Variants in RHOBTB3 observed in about 807,000 individuals in gnomAD.
The protein encoded by RHOBTB3 is Rho related BTB domain containing 3, also known as rho-related BTB domain-containing protein 3.
Under a neutral mutation model 67.2 loss-of-function variants are expected in RHOBTB3, and 47 were observed. The ratio of observed to expected loss-of-function variants is 0.70; its 90% CI spans 0.55 to 0.89. The LOEUF (loss-of-function observed/expected upper bound fraction) is 0.89. RHOBTB3 is among the 40% of genes least tolerant of loss of function. The pLI, the probability that RHOBTB3 is intolerant of heterozygous loss-of-function variation, is 0.00. For missense variants in RHOBTB3, 631 were observed against 750.0 expected (o/e 0.84, Z 1.85); for synonymous variants, 273 against 274.2 (o/e 1.00, Z 0.04).
At chr5:95,782,600 A>G (rs1287979335) in intron 9 of RHOBTB3, 1 of 152,218 alleles carries the variant, frequency 6.6e-6, no homozygotes, top group East Asian at 1.9e-4. Context: ...CAAGGTCAGG[A>G]GATCGAGACC....
At chr5:95,791,177 CTG>C (rs1428500768) in intron 11 of RHOBTB3, among the ~76,000 whole-genome samples, 1 of 152,090 alleles carries the variant, frequency 6.6e-6, no homozygotes, top group East Asian at 1.9e-4. Flanking sequence ...TTTCTGTTGA[CTG>C]AGAATTTTTC....
At chr5:95,740,854 C>A (rs1003346574) in intron 3 of RHOBTB3, among the ~76,000 whole-genome samples, 5 of 151,342 alleles carry the variant, frequency 3.3e-5, no homozygotes, top group Non-Finnish European at 7.4e-5. Context: ...ATTTTATAAA[C>A]ACACACACAC....
chr5:95,751,309 ATT>A (rs1387969910), intron 4 of RHOBTB3: 3 of 152,066 alleles, frequency 2.0e-5, no homozygotes, highest in Non-Finnish European at 4.4e-5. Context: ...CAGCCACACA[ATT>A]GTAGTGCTTG....
In RHOBTB3 at chr5:95,788,744, T is replaced by C; in HGVS notation, c.1624-18T>C. On this transcript the variant is annotated intron_variant, in intron 10 of 11. Coordinates refer to ENST00000379982, the MANE Select transcript of RHOBTB3 (RefSeq NM_014899.4). ...GCCATTATGTGCAATATTATTTCAC[T>C]TTTCATTTTTCTTGCAGTTTCACCA... 6.5e-7 allele frequency: 1 copy of C among 1,540,154 alleles called. No homozygotes were observed. Among genetic ancestry groups the C allele is most frequent in the South Asian group, 1.2e-5 (1 of 84,420 alleles).
chr5:95,751,166 A>C (rs1745078602), intron 4 of RHOBTB3, among the ~76,000 whole-genome samples: 2 of 152,194 alleles, frequency 1.3e-5, no homozygotes, highest in African/African-American at 4.8e-5. Flanking sequence ...ACAGATTTTA[A>C]AGAAATTTGT....
At chr5:95,793,018 TA>T in intron 11 of RHOBTB3, 40 bp from the exon 12 acceptor site, 1 of 1,353,900 alleles carries the variant, frequency 7.4e-7, no homozygotes, top group Non-Finnish European at 1.1e-6. Context: ...TGATCCATAA[TA>T]AAACATATTC....
chr5:95,780,728 C>T (rs541247201), intron 9 of RHOBTB3, among the ~76,000 whole-genome samples: 2 of 152,170 alleles, frequency 1.3e-5, no homozygotes, highest in Non-Finnish European at 2.9e-5. Context: ...TTGTGGTACC[C>T]ATGGCTACCG....
chr5:95,748,676 G>GA (rs5869690), intron 4 of RHOBTB3, among the ~76,000 whole-genome samples, 189 bp downstream of exon 4: 149,836 of 152,320 alleles, frequency 0.98, 73,714 homozygotes, highest in East Asian at 1. Context: ...CTCTCCAAAT[G>GA]AACCTTTTCT....
At chr5:95,731,048 C>G, upstream of RHOBTB3, 1 of 1,032,272 alleles carries the variant, frequency 9.7e-7, no homozygotes. Context: ...GCTCTGGTTA[C>G]GGCCTTGCGA....
At chr5:95,791,341 T>G (rs1334285163) in intron 11 of RHOBTB3, among the ~76,000 whole-genome samples, 1 of 152,160 alleles carries the variant, frequency 6.6e-6, no homozygotes, top group East Asian at 1.9e-4. Context: ...TGCACAGGAA[T>G]ATGTTACCCT....
chr5:95,782,379 G>C (rs917177114), intron 9 of RHOBTB3: 1 of 152,230 alleles, frequency 6.6e-6, no homozygotes, highest in African/African-American at 2.4e-5. Flanking sequence ...GCTGGGGAAA[G>C]GGGGAAACAG....
At position 95,793,921 on chromosome 5, in the gene RHOBTB3, A is replaced by G. The variant is rs191166149; in HGVS notation, c.*747A>G. ...TTAATAATGTTTGAAGAAGGGCCCC[A>G]TGATTTCATTTTGTGCTGAGCCCTC... is the stretch of plus-strand genomic sequence containing the variant. On this transcript the variant is annotated 3_prime_UTR_variant, in exon 12 of 12. Transcript: ENST00000379982. 978 of 446,628 alleles carry G rather than the reference A, an allele frequency of 2.2e-3. 14 individuals carry two copies. The highest frequency in any genetic ancestry group is 0.019 in the Admixed American group (769 of 40,398). The allele number at this position is 446,628 out of a possible 1,614,324, so 27.7% of individuals were successfully genotyped here. A position where few individuals can be genotyped will look rare whatever the true frequency, so the allele number is the denominator to read the frequency against.
intron 6 of RHOBTB3, 75 bp from the exon 7 acceptor site, chr5:95,763,433 G>T: frequency 1.2e-6 from 1 of 833,108 alleles, no homozygotes; most frequent in South Asian, 1.5e-5. Flanking sequence ...AGGGAATGTT[G>T]TATTTAATAA....
Position 95,739,660 on chromosome 5 carries a change from C to T in RHOBTB3, c.415+2585C>T, listed in dbSNP as rs189800111. Among the ~76,000 whole-genome samples, 28 of 152,216 alleles carry T rather than the reference C, an allele frequency of 1.8e-4. 1 individual carries two copies. The East Asian group carries it at 4.1e-3, about 22-fold the overall frequency. On this transcript the variant is annotated intron_variant, in intron 3 of 11. Transcript: ENST00000379982. ...GGACCTCCTGGGCTTGAACGATGCC[C>T]CCCACCTCAGCCTCCTGAGTAGCAA...
At chr5:95,762,384 G>A (rs1043980243) in intron 6 of RHOBTB3, among the ~76,000 whole-genome samples, 3 of 152,208 alleles carry the variant, frequency 2.0e-5, no homozygotes, top group Admixed American at 6.5e-5. Context: ...GATCTCATTG[G>A]TTTAATAAGT....
At chr5:95,769,115 A>G in intron 8 of RHOBTB3, 1 of 370,076 alleles carries the variant, frequency 2.7e-6, no homozygotes, top group Non-Finnish European at 5.3e-6. Context: ...TTAATTCTTC[A>G]AGGTGTCGAC....
intron 6 of RHOBTB3, among the ~76,000 whole-genome samples, chr5:95,760,814 G>A (rs1237248949): frequency 4.6e-5 from 7 of 152,260 alleles, no homozygotes; most frequent in East Asian, 1.9e-4. Context: ...TATACTTAAA[G>A]TTTTCTAAGA....
At chr5:95,756,655 C>A (rs985531224) in intron 6 of RHOBTB3, among the ~76,000 whole-genome samples, 9 of 152,150 alleles carry the variant, frequency 5.9e-5, no homozygotes, top group Admixed American at 3.9e-4. Context: ...TCTCCACATC[C>A]TTGCCAACAC....
chr5:95,747,161 C>T, intron 3 of RHOBTB3, among the ~76,000 whole-genome samples: 1 of 151,944 alleles, frequency 6.6e-6, no homozygotes, highest in East Asian at 1.9e-4. Context: ...GGGCTCAGCC[C>T]TTGTCTGATT....
Sources: allele counts gnomAD v4.1 joint callset (sites outside exome capture counted in the v4.1 genomes callset), GRCh38; gene constraint gnomAD v4.1.1; transcripts MANE v1.5; gene names NCBI Gene and HGNC (gene_info 2026-07-23, HGNC 2026-07-21).